Variants in TRPM7 observed in about 807,000 individuals in gnomAD.
The protein encoded by TRPM7 is LTRPC ion channel family member 7.
In TRPM7, 134 loss-of-function variants were observed where a neutral mutation model predicts 229.7. That is an observed-to-expected ratio of 0.58 (90% CI 0.51 to 0.67). The LOEUF is 0.67. TRPM7 is among the 30% of genes least tolerant of loss of function. TRPM7 has a pLI of 0.00. For synonymous variants in TRPM7, 699 were observed against 715.2 expected, an observed-to-expected ratio of 0.98 and a Z score of 0.36; for missense variants, 1,901 against 2,210.0, an observed-to-expected ratio of 0.86 and a Z score of 2.80.
intron 1 of TRPM7, among the ~76,000 whole-genome samples, chr15:50,671,991 T>G (rs1313713874): frequency 6.6e-6 from 1 of 152,154 alleles, no homozygotes; most frequent in East Asian, 1.9e-4. Flanking sequence ...TGTTACTGAT[T>G]TATGTATTTA....
At chr15:50,562,342 A>G (rs1164014360) in intron 38 of TRPM7, among the ~76,000 whole-genome samples, 1 of 152,234 alleles carries the variant, frequency 6.6e-6, no homozygotes. Context: ...ATTGACCATG[A>G]GTCAGAAACT....
At chr15:50,670,582 C>G (rs2061965553) in intron 1 of TRPM7, among the ~76,000 whole-genome samples, 1 of 151,978 alleles carries the variant, frequency 6.6e-6, no homozygotes, top group South Asian at 2.1e-4. Flanking sequence ...TCAGAAGTTA[C>G]CCTATATAGT....
chr15:50,617,887 T>C (rs1232695375), intron 13 of TRPM7, among the ~76,000 whole-genome samples: 1 of 152,044 alleles, frequency 6.6e-6, no homozygotes, highest in African/African-American at 2.4e-5. Flanking sequence ...TCAAACCCCT[T>C]CTCTCTGGCG....
At chr15:50,653,445 G>C (rs1233565493) in intron 3 of TRPM7, among the ~76,000 whole-genome samples, 2 of 152,100 alleles carry the variant, frequency 1.3e-5, no homozygotes, top group Non-Finnish European at 2.9e-5. Context: ...ATTCATTCTA[G>C]CTAATCATGG....
chr15:50,619,089 T>G (rs533454620), intron 13 of TRPM7, among the ~76,000 whole-genome samples: 1 of 152,310 alleles, frequency 6.6e-6, no homozygotes, highest in South Asian at 2.1e-4. Flanking sequence ...TTGGGACAAT[T>G]TTCTGAGGAA....
Position 50,634,401 on chromosome 15 carries a change from T to C in TRPM7, c.988A>G (p.Lys330Glu). The C allele has an allele frequency of 6.4e-7, 1 of 1,573,304 alleles. No individual in the cohort carries two copies. Among genetic ancestry groups the C allele is most frequent in the Non-Finnish European group, 8.6e-7 (1 of 1,164,124 alleles). ...ACTTACCCTCCTTCTTCTGTTTGTT[T>C]ATGAATATACGCTAGCAGATCTGCA... ...RAADLLAYIHKQTEEGGNLPD... is the reference protein window; with the variant it reads ...RAADLLAYIHEQTEEGGNLPD... Residue 330 changes from lysine to glutamate, a missense_variant, in exon 8 of 39, where the codon AAA becomes GAA. Physicochemically the swap from Lys to Glu is moderately conservative, Grantham distance 56. Around this residue, in one of 8 missense-constraint regions of TRPM7, gnomAD observed 794 missense variants for 881.9 expected, o/e 0.90. Transcript: ENST00000646667.
chr15:50,565,370 T>C (rs2053552700), intron 38 of TRPM7, among the ~76,000 whole-genome samples: 1 of 152,018 alleles, frequency 6.6e-6, no homozygotes, highest in Non-Finnish European at 1.5e-5. Context: ...TATATATAGA[T>C]GTGTGTGTGT....
rs769149807 is a variant in TRPM7, at chr15:50,591,956, A to G, written c.4279T>C (p.Ser1427Pro). 3 of 1,600,268 alleles carry G rather than the reference A, an allele frequency of 1.9e-6. No homozygotes were observed. The highest frequency in any genetic ancestry group is 1.4e-5 in the African/African-American group (1 of 73,982). Residue 1427 changes from serine (S) to proline (P), a missense_variant, in exon 26 of 39, where the codon TCT (serine) becomes CCT (proline). Physicochemically the swap from Ser to Pro is moderately conservative, Grantham distance 74. Coordinates refer to ENST00000646667, the MANE Select transcript of TRPM7 (RefSeq NM_017672.6). ...GTATTATCTCCTTCTGTAGCTTTAG[A>G]GCAAACAGTTTCTTGATCTTTGGTT... ...TGTKDQETVC[S>P]KATEGDNTEF...
rs763745651 is a variant in TRPM7, at chr15:50,570,190, A to G, written c.5309-35T>C. The stretch of plus-strand genomic sequence containing the variant: ...TGTATATAAAAAAGACAAATAATTT[A>G]TATTATATAATTGACATAAATACTG... On this transcript the variant is annotated intron_variant, in intron 36 of 38. Transcript: ENST00000646667. 2.8e-6 allele frequency: 4 copies of G among 1,427,558 alleles called. No individual in the cohort carries two copies. In the East Asian group the frequency reaches 9.9e-5, roughly 35 times the overall value. 88.4% of individuals were successfully genotyped at this position (1,427,558 alleles called of 1,614,324 possible).
intron 1 of TRPM7, among the ~76,000 whole-genome samples, chr15:50,669,821 A>G (rs1472500952): frequency 1.3e-5 from 2 of 152,122 alleles, no homozygotes; most frequent in East Asian, 3.9e-4. Context: ...AATCTGGATC[A>G]ATATTCTAAT....
In TRPM7 at chr15:50,561,758, C is replaced by T; in HGVS notation, c.5518G>A (p.Glu1840Lys). Reference sequence around the variant, plus strand: ...GGCTGAAGATTCAAATCTGAAGGCTCATCCTGAGGAAATATAATTTTATCA... The same window carrying T: ...GGCTGAAGATTCAAATCTGAAGGCTTATCCTGAGGAAATATAATTTTATCA... ...TPDKIIFPQD[E>K]PSDLNLQPGN... The change falls in exon 39 of 39, where the codon GAG becomes AAG. Residue 1840 changes from glutamate to lysine, a missense_variant. Glu to Lys is a moderately conservative substitution (Grantham distance 56). Transcript: ENST00000646667. The T allele has an allele frequency of 6.2e-7, 1 of 1,612,712 alleles. No homozygotes were observed.
At chr15:50,653,676 T>C (rs890742237) in intron 3 of TRPM7, among the ~76,000 whole-genome samples, 1 of 151,922 alleles carries the variant, frequency 6.6e-6, no homozygotes, top group African/African-American at 2.4e-5. Context: ...AGCAAGGAAG[T>C]AGAGAACAGA....
At position 50,628,134 on chromosome 15, in the gene TRPM7, A is replaced by G. The variant is rs530056268; in HGVS notation, c.1305+15T>C. On this transcript the variant is annotated intron_variant, in intron 11 of 38. Coordinates refer to ENST00000646667, the MANE Select transcript of TRPM7 (RefSeq NM_017672.6). ...TGTAATTTAATTGTATTGTGTATGT[A>G]GATTATTTACATACCAGCCACTGCT... The G allele has an allele frequency of 1.4e-5, 21 of 1,553,310 alleles. No individual in the cohort carries two copies. The South Asian group carries it at 2.4e-4, about 17-fold the overall frequency.
intron 28 of TRPM7, 148 bp downstream of exon 28, chr15:50,586,244 T>C (rs2059339641): frequency 3.9e-6 from 2 of 509,632 alleles, no homozygotes; most frequent in Non-Finnish European, 3.5e-6. Flanking sequence ...TTACGACTTA[T>C]TCAAGGTTAC....
intron 9 of TRPM7, among the ~76,000 whole-genome samples, chr15:50,631,852 A>T (rs1596256509): frequency 1.3e-5 from 2 of 152,296 alleles, no homozygotes; most frequent in African/African-American, 4.8e-5. Context: ...AATAAATCCT[A>T]CAGGTCCTTC....
chr15:50,574,126 T>C lies in TRPM7; in HGVS notation c.5308+148A>G, dbSNP rs1156472842. The C allele has an allele frequency of 7.8e-6, 5 of 640,744 alleles. No homozygotes were observed. In the East Asian group the frequency reaches 1.1e-4, roughly 14 times the overall value. 39.7% of individuals were successfully genotyped at this position (640,744 alleles called of 1,614,324 possible). A position where few individuals can be genotyped will look rare whatever the true frequency, so the allele number is the denominator to read the frequency against. ...CTATTACTCAAGGCCCTGATGGCTA[T>C]ATGCTATGACTGTGATTAACTTGCT... On this transcript the variant is annotated intron_variant, in intron 36 of 38. Transcript: ENST00000646667.
chr15:50,569,873 A>C lies in TRPM7; in HGVS notation c.5467+14T>G. 6.3e-7 allele frequency: 1 copy of C among 1,575,298 alleles called. No homozygotes were observed. Among genetic ancestry groups the C allele is most frequent in the Admixed American group, 1.8e-5 (1 of 56,356 alleles). ...TAACAATTTATATACTATACTGATTAAGAAATTTTTTACCTGGAAGTTTAA... is the reference window on the plus strand; with the variant it reads ...TAACAATTTATATACTATACTGATTCAGAAATTTTTTACCTGGAAGTTTAA... On this transcript the variant is annotated intron_variant, in intron 38 of 38. Coordinates refer to ENST00000646667, the MANE Select transcript of TRPM7 (RefSeq NM_017672.6).
chr15:50,668,771 G>C (rs2061933864), intron 1 of TRPM7, among the ~76,000 whole-genome samples: 1 of 152,160 alleles, frequency 6.6e-6, no homozygotes, highest in Non-Finnish European at 1.5e-5. Context: ...GCCTCCCAAA[G>C]TGCTGGGATT....
At chr15:50,679,539 T>TATATGTGTA (rs1491586861) in intron 1 of TRPM7, among the ~76,000 whole-genome samples, 1 of 22,304 alleles carries the variant, frequency 4.5e-5, no homozygotes, top group African/African-American at 2.1e-4. Context: ...TATATATATA[T>TATATGTGTA]TTTTTTTTTT....
Sources: allele counts gnomAD v4.1 joint callset (sites outside exome capture counted in the v4.1 genomes callset), GRCh38; gene constraint gnomAD v4.1.1; regional missense constraint gnomAD v4.1.1; transcripts MANE v1.5; gene names NCBI Gene and HGNC (gene_info 2026-07-23, HGNC 2026-07-21).